Variants in CSMD3 observed in about 807,000 individuals in gnomAD.
CSMD3 encodes CUB and Sushi multiple domains 3.
In CSMD3, 177 loss-of-function variants were observed where a neutral mutation model predicts 435.2. That is an observed-to-expected ratio of 0.41 (90% CI 0.36 to 0.46). The LOEUF (loss-of-function observed/expected upper bound fraction) is 0.46. CSMD3 is among the 20% of genes least tolerant of loss of function. The pLI, the probability that CSMD3 is intolerant of heterozygous loss-of-function variation, is 0.34. For synonymous variants in CSMD3, 1,656 were observed against 1,520.5 expected (o/e 1.09, Z -2.07); for missense variants, 4,265 against 4,504.6 (o/e 0.95, Z 1.52).
chr8:113,386,157 G>A (rs1412806272), intron 1 of CSMD3, among the ~76,000 whole-genome samples: 5 of 152,084 alleles, frequency 3.3e-5, no homozygotes, highest in African/African-American at 1.2e-4. Context: ...TGGAAATGCA[G>A]GAGAAGATGT....
At chr8:113,286,983 A>C in intron 2 of CSMD3, among the ~76,000 whole-genome samples, 1 of 152,078 alleles carries the variant, frequency 6.6e-6, no homozygotes, top group Non-Finnish European at 1.5e-5. Context: ...AGAGAGATTT[A>C]TTTAAAAATA....
chr8:113,148,397 C>T (rs1023365226), intron 4 of CSMD3, among the ~76,000 whole-genome samples: 3 of 151,678 alleles, frequency 2.0e-5, no homozygotes, highest in African/African-American at 7.3e-5. Flanking sequence ...CAGTTATATG[C>T]TCTCGTAGAA....
At chr8:112,777,752 A>C (rs1324255073) in intron 13 of CSMD3, among the ~76,000 whole-genome samples, 1 of 151,808 alleles carries the variant, frequency 6.6e-6, no homozygotes, top group Non-Finnish European at 1.5e-5. Flanking sequence ...TTTGAGTCAA[A>C]GTTTGCCTCC....
intron 1 of CSMD3, among the ~76,000 whole-genome samples, chr8:113,324,639 C>T (rs1255002738): frequency 6.6e-6 from 1 of 152,108 alleles, no homozygotes; most frequent in African/African-American, 2.4e-5. Context: ...TAGGGTAGTG[C>T]GGATAAGAAA....
chr8:112,322,561 A>G (rs1823097700), intron 45 of CSMD3, among the ~76,000 whole-genome samples: 1 of 152,064 alleles, frequency 6.6e-6, no homozygotes, highest in Non-Finnish European at 1.5e-5. Flanking sequence ...TGAATTCTGA[A>G]CAAACTTTCC....
chr8:112,871,315 TAAGTATTTCCAAAGTTTTAAAAA>T, intron 10 of CSMD3, among the ~76,000 whole-genome samples: 1 of 152,096 alleles, frequency 6.6e-6, no homozygotes, highest in East Asian at 1.9e-4. Context: ...GAACAGAAAA[TAAGTATTTCCAAAGTTTTAAAAA>T]ATGTTTTCCA....
intron 7 of CSMD3, among the ~76,000 whole-genome samples, chr8:112,959,919 C>T (rs935817697): frequency 1.1e-4 from 16 of 151,702 alleles, no homozygotes. Flanking sequence ...AGTTAGCAGA[C>T]CTATGTTCTG....
intron 31 of CSMD3, among the ~76,000 whole-genome samples, chr8:112,486,780 A>G (rs1443536787): frequency 6.6e-6 from 1 of 152,100 alleles, no homozygotes; most frequent in Non-Finnish European, 1.5e-5. Context: ...CTGTGCTCAC[A>G]GTACTGTTTT....
At chr8:112,232,345 C>T (rs747224164) in intron 68 of CSMD3, among the ~76,000 whole-genome samples, 1 of 152,170 alleles carries the variant, frequency 6.6e-6, no homozygotes, top group Non-Finnish European at 1.5e-5. Flanking sequence ...AGGTGGCTCA[C>T]GCCTGTAATT....
intron 38 of CSMD3, among the ~76,000 whole-genome samples, chr8:112,359,422 G>T (rs1420472964): frequency 6.6e-6 from 1 of 152,100 alleles, no homozygotes; most frequent in Non-Finnish European, 1.5e-5. Context: ...GAGAATGAAA[G>T]CTCCAGAAGG....
chr8:112,555,166 A>C (rs1021462751), intron 25 of CSMD3, among the ~76,000 whole-genome samples: 22 of 151,960 alleles, frequency 1.4e-4, no homozygotes, highest in Admixed American at 2.6e-4. Flanking sequence ...TTTGATTTTG[A>C]GTACTTGTAA....
intron 13 of CSMD3, among the ~76,000 whole-genome samples, chr8:112,712,562 A>G (rs888315626): frequency 6.6e-6 from 1 of 152,080 alleles, no homozygotes; most frequent in South Asian, 2.1e-4. Flanking sequence ...GAGTAACTGG[A>G]TTAATATTTT....
At chr8:112,475,381 A>G (rs1818942995) in intron 31 of CSMD3, among the ~76,000 whole-genome samples, 1 of 152,142 alleles carries the variant, frequency 6.6e-6, no homozygotes. Flanking sequence ...ATGAGGTTGT[A>G]ATTTAATCAC....
At chr8:112,497,792 A>C (rs2130885242) in intron 30 of CSMD3, among the ~76,000 whole-genome samples, 1 of 152,126 alleles carries the variant, frequency 6.6e-6, no homozygotes, top group South Asian at 2.1e-4. Flanking sequence ...TACAGAGGAA[A>C]CATTTACCAA....
intron 36 of CSMD3, among the ~76,000 whole-genome samples, chr8:112,384,848 C>T (rs1829796104): frequency 6.6e-6 from 1 of 152,170 alleles, no homozygotes; most frequent in African/African-American, 2.4e-5. Context: ...ATTATCAATT[C>T]CCTCTTCATA....
intron 4 of CSMD3, among the ~76,000 whole-genome samples, chr8:113,145,751 A>T (rs2091658383): frequency 6.6e-6 from 1 of 151,630 alleles, no homozygotes; most frequent in South Asian, 2.1e-4. Flanking sequence ...CTAGATTGGT[A>T]CATGACACAG....
chr8:112,420,274 G>A (rs1236335636), intron 32 of CSMD3, among the ~76,000 whole-genome samples: 2 of 151,836 alleles, frequency 1.3e-5, no homozygotes, highest in Middle Eastern at 3.2e-3. Context: ...CTTCCTATCC[G>A]ACCTGTATCC....
intron 13 of CSMD3, among the ~76,000 whole-genome samples, chr8:112,753,207 G>A (rs546845335): frequency 1.3e-5 from 2 of 152,168 alleles, no homozygotes; most frequent in African/African-American, 2.4e-5. Flanking sequence ...AATAGTATAT[G>A]AGTTATGGTG....
intron 22 of CSMD3, among the ~76,000 whole-genome samples, chr8:112,625,574 C>A (rs1234354550): frequency 6.6e-6 from 1 of 152,026 alleles, no homozygotes; most frequent in Middle Eastern, 3.2e-3. Flanking sequence ...GAAATAAAAG[C>A]TATCCATCAC....
Sources: gnomAD v4.1 joint callset for allele counts (sites outside exome capture counted in the v4.1 genomes callset) on GRCh38, gnomAD v4.1.1 for gene constraint, MANE v1.5 for transcripts, NCBI Gene and HGNC (gene_info 2026-07-23, HGNC 2026-07-21) for gene names.